The following FAM184A variants were observed in gnomAD, a reference collection of about 807,000 sequenced individuals.
The protein encoded by FAM184A is family with sequence similarity 184 member A.
Under a neutral mutation model 143.8 loss-of-function variants are expected in FAM184A, and 99 were observed. The ratio of observed to expected loss-of-function variants is 0.69; its 90% CI spans 0.58 to 0.81. The LOEUF (loss-of-function observed/expected upper bound fraction) is 0.81, where lower values mean the gene tolerates loss of function less well. Ranked by LOEUF, FAM184A falls within the 40% of genes least tolerant of loss-of-function variation. The pLI is 0.00. For missense variants in FAM184A, 1,217 were observed against 1,310.5 expected, an observed-to-expected ratio of 0.93 and a Z score of 1.10; for synonymous variants, 427 against 446.4, an observed-to-expected ratio of 0.96 and a Z score of 0.55.
intron 1 of FAM184A, among the ~76,000 whole-genome samples, chr6:119,050,018 A>T (rs1007949114): frequency 1.3e-5 from 2 of 152,170 alleles, no homozygotes; most frequent in Non-Finnish European, 1.5e-5. Flanking sequence ...TGGACAAAGG[A>T]CATGAACAGA....
chr6:118,972,121 C>G (rs1397115315), intron 14 of FAM184A, among the ~76,000 whole-genome samples: 1 of 152,198 alleles, frequency 6.6e-6, no homozygotes, highest in Non-Finnish European at 1.5e-5. Context: ...CTGTCTAAAT[C>G]CAAACCATTC....
chr6:119,032,275 A>C (rs79195148), intron 1 of FAM184A, among the ~76,000 whole-genome samples: 1 of 145,490 alleles, frequency 6.9e-6, no homozygotes, highest in Non-Finnish European at 1.5e-5. Flanking sequence ...GTCTCAAAAC[A>C]AAAAAAAAAA....
At chr6:119,093,399 C>T (rs753125203) in intron 1 of FAM184A, among the ~76,000 whole-genome samples, 9 of 152,144 alleles carry the variant, frequency 5.9e-5, no homozygotes, top group African/African-American at 9.7e-5. Context: ...CCGTGAGTCA[C>T]GGGAGAATTA....
Position 118,979,425 on chromosome 6 carries a change from T to C in FAM184A, c.2395A>G (p.Met799Val), listed in dbSNP as rs1783951230. The C allele has an allele frequency of 1.2e-6, 2 of 1,613,900 alleles. No individual in the cohort carries two copies. The highest frequency in any genetic ancestry group is 1.7e-5 in the Admixed American group (1 of 59,996). ...RESMEGFRIE[M>V]EQELQTLRFE... ...CGAAGAGTCTGAAGTTCCTGTTCCA[T>C]TTCTATCCGGAAGCCCTCCATTGAC... Residue 799 changes from methionine (M) to valine (V), a missense_variant, in exon 11 of 18, where the codon ATG becomes GTG. Transcript: ENST00000338891.
chr6:119,001,525 C>A (rs1784756151), intron 9 of FAM184A, among the ~76,000 whole-genome samples: 1 of 151,732 alleles, frequency 6.6e-6, no homozygotes, highest in Non-Finnish European at 1.5e-5. Flanking sequence ...AGCATTAGGT[C>A]CTCTCAGGAA....
In FAM184A at chr6:118,980,144, CTCCTTT is replaced by C. The variant is rs1783978064; in HGVS notation, c.2289_2294del (p.Lys764_Glu765del). ...TATGTCACATAAAACTTACTCTTTG[CTCCTTT>C]TCCTTTTCCTCTTCCATAGTTTGAA... On this transcript the variant is annotated inframe_deletion, in exon 10 of 18. Coordinates refer to ENST00000338891, the MANE Select transcript of FAM184A (RefSeq NM_024581.6). 1 of 1,613,072 alleles carries C rather than the reference CTCCTTT, an allele frequency of 6.2e-7. No individual in the cohort carries two copies. The highest frequency in any genetic ancestry group is 8.5e-7 in the Non-Finnish European group (1 of 1,179,052).
chr6:119,049,960 T>C (rs1280296070), intron 1 of FAM184A, among the ~76,000 whole-genome samples: 1 of 152,144 alleles, frequency 6.6e-6, no homozygotes, highest in African/African-American at 2.4e-5. Flanking sequence ...ATATCCAGCA[T>C]CTATAAGGAA....
intron 9 of FAM184A, among the ~76,000 whole-genome samples, chr6:119,002,031 A>G (rs994401792): frequency 1.3e-5 from 2 of 152,206 alleles, no homozygotes; most frequent in Admixed American, 6.5e-5. Flanking sequence ...GAGTAACATT[A>G]TAATTATGAG....
intron 1 of FAM184A, among the ~76,000 whole-genome samples, chr6:119,119,624 T>C (rs1439734461): frequency 6.6e-6 from 1 of 152,130 alleles, no homozygotes; most frequent in Non-Finnish European, 1.5e-5. Context: ...AAAAAGAGAC[T>C]GGAAAAAACT....
chr6:119,022,946 A>G lies in FAM184A; in HGVS notation c.1149T>C (p.Ala383=). 1 of 1,614,128 alleles carries G rather than the reference A, an allele frequency of 6.2e-7. No homozygotes were observed. Among genetic ancestry groups the G allele is most frequent in the Non-Finnish European group, 8.5e-7 (1 of 1,180,012 alleles). ...ATCAAAAACTGTGGTCACACATACT[A>G]GCTTTGAGGACAAGATCTGAAGCTT... ...QQQASDLVLK[A]SHIGMLQATQ... The change falls in exon 3 of 18, where the codon GCT becomes GCC. Residue 383 remains alanine, a splice_region_variant and synonymous_variant. Coordinates refer to ENST00000338891, the MANE Select transcript of FAM184A (RefSeq NM_024581.6).
At chr6:119,107,639 A>C (rs1036754932) in intron 1 of FAM184A, among the ~76,000 whole-genome samples, 13 of 152,112 alleles carry the variant, frequency 8.5e-5, no homozygotes, top group African/African-American at 3.1e-4. Context: ...TTAGCTGGGC[A>C]TGGTGGCATG....
intron 9 of FAM184A, among the ~76,000 whole-genome samples, chr6:118,991,534 G>C (rs1392040825): frequency 6.6e-6 from 1 of 152,088 alleles, no homozygotes; most frequent in African/African-American, 2.4e-5. Flanking sequence ...TGGGGAAAGA[G>C]TACCTGGCAA....
At chr6:119,148,780 G>T (rs59885310) in intron 1 of FAM184A, among the ~76,000 whole-genome samples, 7,551 of 151,944 alleles carry the variant, frequency 0.05, 600 homozygotes, top group African/African-American at 0.17. Flanking sequence ...AAAGCTCCAG[G>T]GAATCAGGAT....
chr6:119,132,944 G>A (rs145410956), intron 1 of FAM184A, among the ~76,000 whole-genome samples: 164 of 152,326 alleles, frequency 1.1e-3, no homozygotes, highest in African/African-American at 3.7e-3. Context: ...TGAAATATCA[G>A]GGGACAAAGA....
At chr6:119,129,028 G>A (rs1326711987) in intron 1 of FAM184A, among the ~76,000 whole-genome samples, 1 of 152,114 alleles carries the variant, frequency 6.6e-6, no homozygotes, top group Non-Finnish European at 1.5e-5. Flanking sequence ...ATTTCTTTGT[G>A]CTGACTTTAA....
At chr6:118,983,622 T>A (rs1784084219) in intron 9 of FAM184A, among the ~76,000 whole-genome samples, 1 of 152,138 alleles carries the variant, frequency 6.6e-6, no homozygotes, top group African/African-American at 2.4e-5. Flanking sequence ...AGAAAATAAT[T>A]TAATCTTTAG....
chr6:119,118,830 C>T lies in FAM184A; in HGVS notation c.-202+30248G>A, dbSNP rs1024677275. On this transcript the variant is annotated intron_variant, in intron 1 of 16. Coordinates refer to the FAM184A transcript ENST00000352896. Reference sequence around the variant, plus strand: ...GCACCTTGAAAAAAAAACAAGATAACAGCAGTGTTCAGGGAACAAGAGAGG... The same window carrying T: ...GCACCTTGAAAAAAAAACAAGATAATAGCAGTGTTCAGGGAACAAGAGAGG... 2.7e-4 allele frequency among the ~76,000 whole-genome samples: 41 copies of T among 152,022 alleles called. 1 individual carries two copies. The highest frequency in any genetic ancestry group is 8.9e-4 in the African/African-American group (37 of 41,390).
At chr6:119,018,851 G>A (rs1269217972) in intron 4 of FAM184A, among the ~76,000 whole-genome samples, 1 of 152,032 alleles carries the variant, frequency 6.6e-6, no homozygotes, top group East Asian at 1.9e-4. Context: ...TGAGAAAACA[G>A]TAATCAAGAA....
chr6:118,983,925 G>C (rs972222281), intron 9 of FAM184A, among the ~76,000 whole-genome samples: 6 of 151,582 alleles, frequency 4.0e-5, no homozygotes, highest in African/African-American at 1.2e-4. Flanking sequence ...GAGACGGGTG[G>C]ATCACCAGAG....
Sources: gnomAD v4.1 joint callset for allele counts (sites outside exome capture counted in the v4.1 genomes callset) on GRCh38, gnomAD v4.1.1 for gene constraint, MANE v1.5 for transcripts, NCBI Gene and HGNC (gene_info 2026-07-23, HGNC 2026-07-21) for gene names.